ERC2: variants seen among roughly 807,000 people sequenced by gnomAD.
The protein encoded by ERC2 is ERC protein 2.
A neutral mutation model predicts 114.8 loss-of-function variants in ERC2; 42 were observed. The ratio of observed to expected loss-of-function variants is 0.37; its 90% CI spans 0.29 to 0.47. The LOEUF is 0.47. Ranked by LOEUF, ERC2 falls within the 20% of genes least tolerant of loss-of-function variation. The pLI is 0.99. For synonymous variants in ERC2, 454 were observed against 425.5 expected (o/e 1.07, Z -0.82); for missense variants, 939 against 1,150.7 (o/e 0.82, Z 2.66).
At chr3:56,226,016 C>T (rs1193942492) in intron 3 of ERC2, among the ~76,000 whole-genome samples, 2 of 152,136 alleles carry the variant, frequency 1.3e-5, no homozygotes, top group Non-Finnish European at 2.9e-5. Flanking sequence ...GAAGTACTAT[C>T]GCGACAGAGA....
At chr3:56,114,868 T>C (rs2079142144) in intron 6 of ERC2, among the ~76,000 whole-genome samples, 1 of 152,134 alleles carries the variant, frequency 6.6e-6, no homozygotes, top group South Asian at 2.1e-4. Flanking sequence ...AGCCCCTCCC[T>C]GAAACAAAGC....
At chr3:56,268,612 T>C (rs35520773) in intron 3 of ERC2, among the ~76,000 whole-genome samples, 3,584 of 152,314 alleles carry the variant, frequency 0.024, 64 homozygotes, top group Non-Finnish European at 0.038. Flanking sequence ...ACTTACAAAA[T>C]AAATCAACTT....
In ERC2 at chr3:55,576,936, C is replaced by T. The variant is rs116190375; in HGVS notation, c.*40-65660G>A. On this transcript the variant is annotated intron_variant, in intron 17 of 17. Coordinates refer to ENST00000288221, the MANE Select transcript of ERC2 (RefSeq NM_015576.3). Reference sequence around the variant, plus strand: ...CTGTTCAGAGTCCTGGCCTCTCTGTCCAGAGGAGAGTCTTGCCGTGCTCTG... The same window carrying T: ...CTGTTCAGAGTCCTGGCCTCTCTGTTCAGAGGAGAGTCTTGCCGTGCTCTG... Among the ~76,000 whole-genome samples the T allele has an allele frequency of 9.7e-3, 1,484 of 152,316 alleles. 19 individuals carry two copies. Among genetic ancestry groups the T allele is most frequent in the African/African-American group, 0.034 (1,417 of 41,572 alleles).
chr3:56,391,632 C>A (rs2060132268), intron 2 of ERC2, among the ~76,000 whole-genome samples: 1 of 152,112 alleles, frequency 6.6e-6, no homozygotes, highest in South Asian at 2.1e-4. Flanking sequence ...ATCCTGGGTT[C>A]ACTGCTACCA....
intron 14 of ERC2, among the ~76,000 whole-genome samples, chr3:55,844,547 T>G (rs373126139): frequency 6.6e-6 from 1 of 152,162 alleles, no homozygotes; most frequent in Admixed American, 6.5e-5. Flanking sequence ...AGAGAAAAAA[T>G]GACTAGGAAG....
chr3:55,718,413 C>T (rs1359848197), intron 15 of ERC2, among the ~76,000 whole-genome samples: 1 of 152,158 alleles, frequency 6.6e-6, no homozygotes, highest in Non-Finnish European at 1.5e-5. Flanking sequence ...AACAGGACAA[C>T]AGCTTTCAAC....
chr3:55,862,027 T>C (rs769280796), intron 14 of ERC2, among the ~76,000 whole-genome samples: 65 of 152,232 alleles, frequency 4.3e-4, no homozygotes, highest in Non-Finnish European at 7.3e-4. Flanking sequence ...AGTTGCAGTG[T>C]TCTCTGCTAT....
At chr3:55,979,958 CTTT>C (rs57387241) in intron 12 of ERC2, among the ~76,000 whole-genome samples, 220 of 129,152 alleles carry the variant, frequency 1.7e-3, no homozygotes, top group African/African-American at 5.7e-3. Context: ...CTTTTTTTTT[CTTT>C]TTTTTTTTTT....
chr3:55,602,413 T>G (rs1005448560), intron 17 of ERC2, among the ~76,000 whole-genome samples: 7 of 152,230 alleles, frequency 4.6e-5, no homozygotes, highest in Admixed American at 1.3e-4. Flanking sequence ...GAGGCTGCCC[T>G]GAAAAGGAGG....
chr3:55,733,461 C>T (rs1200373005), intron 15 of ERC2, among the ~76,000 whole-genome samples: 2 of 95,632 alleles, frequency 2.1e-5, no homozygotes, highest in Non-Finnish European at 2.5e-5. Context: ...TTCTCTCTCT[C>T]TCTCACACAC....
intron 4 of ERC2, among the ~76,000 whole-genome samples, chr3:56,169,819 A>AAC (rs1553860986): frequency 7.3e-6 from 1 of 137,224 alleles, no homozygotes; most frequent in African/African-American, 2.4e-5. Context: ...AAAAAAAAAA[A>AAC]AAAACAAATG....
chr3:55,713,291 A>C (rs2063889975), intron 15 of ERC2, among the ~76,000 whole-genome samples: 2 of 151,778 alleles, frequency 1.3e-5, no homozygotes, highest in Admixed American at 1.3e-4. Flanking sequence ...GCTCACTGCA[A>C]CCTCTACCTC....
intron 13 of ERC2, among the ~76,000 whole-genome samples, chr3:55,927,687 T>C (rs772658359): frequency 1.1e-4 from 17 of 152,154 alleles, no homozygotes; most frequent in Non-Finnish European, 2.5e-4. Flanking sequence ...AAATACTAGA[T>C]CTTATTCATC....
chr3:55,638,688 C>T (rs1395882077), intron 17 of ERC2, among the ~76,000 whole-genome samples: 1 of 152,166 alleles, frequency 6.6e-6, no homozygotes. Context: ...TTAATAAATA[C>T]ACAGCATTCA....
In ERC2 at chr3:55,510,312, A is replaced by C. The variant is rs1374249288; in HGVS notation, c.*1004T>G. Reference sequence around the variant, plus strand: ...ATGACCCTTCATTTACAGAAAATCTAAGCTTACACTGTTTGCACAGCATTT... The same window carrying C: ...ATGACCCTTCATTTACAGAAAATCTCAGCTTACACTGTTTGCACAGCATTT... On this transcript the variant is annotated 3_prime_UTR_variant, in exon 18 of 18. Coordinates refer to ENST00000288221, the MANE Select transcript of ERC2 (RefSeq NM_015576.3). The C allele has an allele frequency of 6.6e-6, 1 of 152,348 alleles. No individual in the cohort carries two copies. The highest frequency in any genetic ancestry group is 2.4e-5 in the African/African-American group (1 of 41,412). The allele number at this position is 152,348 out of a possible 1,614,324, so 9.4% of individuals were successfully genotyped here.
intron 3 of ERC2, among the ~76,000 whole-genome samples, chr3:56,234,118 C>T (rs1043316303): frequency 1.3e-5 from 2 of 152,128 alleles, no homozygotes; most frequent in African/African-American, 4.8e-5. Flanking sequence ...ATCCTAATAA[C>T]AACAACAATA....
At chr3:55,792,124 G>A (rs979914004) in intron 14 of ERC2, among the ~76,000 whole-genome samples, 2 of 152,128 alleles carry the variant, frequency 1.3e-5, no homozygotes, top group Admixed American at 1.3e-4. Context: ...GACTATAACA[G>A]ACTATAATAG....
At chr3:56,116,073 C>G (rs1560199045) in intron 6 of ERC2, among the ~76,000 whole-genome samples, 1 of 152,186 alleles carries the variant, frequency 6.6e-6, no homozygotes, top group Admixed American at 6.5e-5. Flanking sequence ...TGCCTCCTGA[C>G]CGACCCTAGT....
At chr3:56,368,799 C>T (rs2059251103) in intron 2 of ERC2, among the ~76,000 whole-genome samples, 1 of 151,172 alleles carries the variant, frequency 6.6e-6, no homozygotes, top group African/African-American at 2.4e-5. Context: ...TTATAATCTT[C>T]TTGTCTATTG....
Sources: gnomAD v4.1 joint callset for allele counts (sites outside exome capture counted in the v4.1 genomes callset) on GRCh38, gnomAD v4.1.1 for gene constraint, MANE v1.5 for transcripts, NCBI Gene and HGNC (gene_info 2026-07-23, HGNC 2026-07-21) for gene names.